Variants in HNRNPR observed in about 807,000 individuals in gnomAD.
HNRNPR encodes the protein heterogeneous nuclear ribonucleoprotein R.
In HNRNPR, 4 loss-of-function variants were observed where a neutral mutation model predicts 70.3. The observed-to-expected ratio is 0.06, with a 90% confidence interval of 0.03 to 0.13. The LOEUF (loss-of-function observed/expected upper bound fraction) is 0.13. Ranked by LOEUF, HNRNPR falls within the 10% of genes least tolerant of loss-of-function variation. The probability of loss-of-function intolerance (pLI) is 1.00; values close to 1 mark genes in which losing one functional copy is unlikely to be tolerated. For synonymous variants in HNRNPR, 241 were observed against 267.6 expected, an observed-to-expected ratio of 0.90 and a Z score of 0.97; for missense variants, 423 against 788.5, an observed-to-expected ratio of 0.54 and a Z score of 5.55.
In HNRNPR at chr1:23,310,715, C is replaced by G. The variant is rs771906156; in HGVS notation, c.1641G>C (p.Gly547=). Residue 547 remains glycine (G), a synonymous_variant, in exon 11 of 11, where the codon GGG becomes GGC. Coordinates refer to ENST00000302271, the MANE Select transcript of HNRNPR (RefSeq NM_005826.5). This position sits in a 1 kb window ranked among gnomAD's most constrained non-coding sequence, Gnocchi z 6.0. The part of the protein sequence containing the change: ...GPPRGSRGGR[G]GPAQQQRGRG... Reference sequence around the variant, plus strand: ...GGCCTCTCTGCTGTTGAGCAGGACCCCCTCTGCCACCCCTAGAGCCTCTTG... The same window carrying G: ...GGCCTCTCTGCTGTTGAGCAGGACCGCCTCTGCCACCCCTAGAGCCTCTTG... The G allele has an allele frequency of 9.3e-6, 15 of 1,613,626 alleles. No homozygotes were observed. The highest frequency in any genetic ancestry group is 1.3e-5 in the African/African-American group (1 of 74,874).
chr1:23,322,854 A>C (rs910256066), intron 6 of HNRNPR, among the ~76,000 whole-genome samples: 4 of 152,220 alleles, frequency 2.6e-5, no homozygotes, highest in Non-Finnish European at 4.4e-5. Context: ...TAAGATACTG[A>C]GATAGCTGTG....
At chr1:23,333,922 CT>C (rs1053642982) in intron 4 of HNRNPR, among the ~76,000 whole-genome samples, 2 of 151,240 alleles carry the variant, frequency 1.3e-5, no homozygotes, top group Non-Finnish European at 3.0e-5. Flanking sequence ...GTCTTTTCTT[CT>C]TTTTTTTTGA....
In HNRNPR at chr1:23,310,748, C is replaced by G; in HGVS notation, c.1608G>C (p.Leu536Phe). 6.2e-7 allele frequency: 1 copy of G among 1,613,820 alleles called. No individual in the cohort carries two copies. The highest frequency in any genetic ancestry group is 1.1e-5 in the South Asian group (1 of 91,054). ...RAGYSQRGAPLGPPRGSRGGR... is the reference protein window; with the variant it reads ...RAGYSQRGAPFGPPRGSRGGR... ...CACCCCTAGAGCCTCTTGGTGGTCC[C>G]AAAGGTGCCCCCCTCTGTGAATAGC... The change falls in exon 11 of 11, where the codon TTG (leucine) becomes TTC (phenylalanine). Residue 536 changes from leucine to phenylalanine, a missense_variant. This residue lies in a region of HNRNPR where 169 missense variants were observed against 195.6 expected (regional missense o/e 0.86). Coordinates refer to ENST00000302271, the MANE Select transcript of HNRNPR (RefSeq NM_005826.5). The surrounding 1 kb of genome is among the most constrained non-coding windows in gnomAD (Gnocchi z 6.0).
intron 5 of HNRNPR, among the ~76,000 whole-genome samples, chr1:23,329,091 A>T (rs1021454201): frequency 8.3e-4 from 127 of 152,322 alleles, no homozygotes; most frequent in Non-Finnish European, 2.2e-4. Flanking sequence ...ACTGTACTCC[A>T]GCCTGGGCAA....
intron 8 of HNRNPR, among the ~76,000 whole-genome samples, chr1:23,314,419 G>A (rs1198761709): frequency 6.6e-6 from 1 of 151,988 alleles, no homozygotes; most frequent in Admixed American, 6.6e-5. Flanking sequence ...TATAAGCAAA[G>A]ACAATAAATA....
chr1:23,331,119 G>C (rs1435700320), intron 5 of HNRNPR, among the ~76,000 whole-genome samples: 1 of 152,104 alleles, frequency 6.6e-6, no homozygotes, highest in Non-Finnish European at 1.5e-5. Flanking sequence ...ATCACATATA[G>C]GGATTTTGCT....
At chr1:23,333,782 C>A (rs1309491025) in intron 4 of HNRNPR, 151 bp from the exon 5 acceptor site, 6 of 555,908 alleles carry the variant, frequency 1.1e-5, no homozygotes, top group Non-Finnish European at 1.9e-5. Flanking sequence ...GCACTGGTTC[C>A]CCATACATGT....
chr1:23,337,919 T>G (rs1646563313), intron 3 of HNRNPR, 58 bp from the exon 4 acceptor site: 2 of 988,302 alleles, frequency 2.0e-6, no homozygotes, highest in Non-Finnish European at 3.1e-6. Flanking sequence ...AAGGGTCAGA[T>G]ACATAATTAA....
rs977614681 is a variant in HNRNPR at position 23,306,560 on chromosome 1, T to A, written c.*3894A>T. On this transcript the variant is annotated 3_prime_UTR_variant, in exon 11 of 11. Coordinates refer to ENST00000302271, the MANE Select transcript of HNRNPR (RefSeq NM_005826.5). The stretch of plus-strand genomic sequence containing the variant: ...AAACAGGAAAAGTACACTTGCAGAT[T>A]TCTGGATAACATCTGAAAATGATTA... 5 of 151,648 alleles carry A rather than the reference T, an allele frequency of 3.3e-5. No homozygotes were observed. The highest frequency in any genetic ancestry group is 9.7e-5 in the African/African-American group (4 of 41,140). 9.4% of individuals were successfully genotyped at this position (151,648 alleles called of 1,614,324 possible). A position where few individuals can be genotyped will look rare whatever the true frequency, so the allele number is the denominator to read the frequency against.
At chr1:23,327,394 G>C (rs957518571) in intron 5 of HNRNPR, among the ~76,000 whole-genome samples, 1 of 152,172 alleles carries the variant, frequency 6.6e-6, no homozygotes, top group Non-Finnish European at 1.5e-5. Flanking sequence ...ACAGACAAAA[G>C]TAAACAATAT....
chr1:23,323,985 T>C (rs1461757225), intron 5 of HNRNPR, among the ~76,000 whole-genome samples: 2 of 152,034 alleles, frequency 1.3e-5, no homozygotes, highest in Non-Finnish European at 2.9e-5. Context: ...CTCTAAATTT[T>C]AAATTTTTAT....
Position 23,337,950 on chromosome 1 carries a change from G to C in HNRNPR, c.277-89C>G, listed in dbSNP as rs565663094. The stretch of plus-strand genomic sequence containing the variant: ...ATTAAATTTAAATTTCAGAAAACCA[G>C]GATTTTAACAAAAGATTTACTGATT... On this transcript the variant is annotated intron_variant, in intron 3 of 10. Transcript: ENST00000302271. 6.9e-5 allele frequency: 56 copies of C among 806,706 alleles called. No individual in the cohort carries two copies. In the Admixed American group the frequency reaches 9.2e-4, roughly 13 times the overall value. 50.0% of individuals were successfully genotyped at this position (806,706 alleles called of 1,614,324 possible).
chr1:23,339,623 A>C (rs535162957), intron 2 of HNRNPR, among the ~76,000 whole-genome samples: 50 of 152,322 alleles, frequency 3.3e-4, no homozygotes, highest in Middle Eastern at 3.4e-3. Flanking sequence ...AAAGCTAAAA[A>C]GAACTTTATT....
chr1:23,304,731 A>C lies in HNRNPR; in HGVS notation c.*5723T>G, dbSNP rs1645178694. 6.6e-6 allele frequency: 1 copy of C among 152,250 alleles called. No individual in the cohort carries two copies. The allele number at this position is 152,250 out of a possible 1,614,324, so 9.4% of individuals were successfully genotyped here. A position where few individuals can be genotyped will look rare whatever the true frequency, so the allele number is the denominator to read the frequency against. ...TTATTAAAAATATTTAACATCGTAC[A>C]AATATTCCAATACAGTTATGGTACA... On this transcript the variant is annotated 3_prime_UTR_variant, in exon 11 of 11. Transcript: ENST00000302271.
At chr1:23,332,590 C>T (rs1372569359) in intron 5 of HNRNPR, among the ~76,000 whole-genome samples, 1 of 151,018 alleles carries the variant, frequency 6.6e-6, no homozygotes, top group Non-Finnish European at 1.5e-5. Flanking sequence ...ATCCCAGTTA[C>T]TTGGGAGGCT....
chr1:23,320,953 G>T (rs902267976), intron 7 of HNRNPR, among the ~76,000 whole-genome samples: 2 of 152,066 alleles, frequency 1.3e-5, no homozygotes, highest in Admixed American at 1.3e-4. Context: ...GATCACCAGA[G>T]GTCGGGAGTT....
In HNRNPR at chr1:23,335,568, T is replaced by C. The variant is rs117099522; in HGVS notation, c.385-1937A>G. 5.1e-3 allele frequency among the ~76,000 whole-genome samples: 769 copies of C among 152,258 alleles called. 19 individuals carry two copies. Among genetic ancestry groups the C allele is most frequent in the East Asian group, 0.033 (170 of 5,166 alleles). On this transcript the variant is annotated intron_variant, in intron 4 of 10. Transcript: ENST00000302271. Reference sequence around the variant, plus strand: ...CTGTCAGATCAGCAGCCGCATTAGGTTCTCACAGGAGGGTGAATCCTATTG... The same window carrying C: ...CTGTCAGATCAGCAGCCGCATTAGGCTCTCACAGGAGGGTGAATCCTATTG...
At chr1:23,341,505 T>C (rs1315129208) in intron 1 of HNRNPR, among the ~76,000 whole-genome samples, 2 of 152,160 alleles carry the variant, frequency 1.3e-5, no homozygotes, top group East Asian at 1.9e-4. Context: ...ATAAGTGCCC[T>C]GTTTTCTCTA....
chr1:23,338,006 A>G (rs912023001), intron 3 of HNRNPR, 145 bp from the exon 4 acceptor site: 12 of 627,430 alleles, frequency 1.9e-5, no homozygotes, highest in African/African-American at 1.5e-4. Flanking sequence ...AGTGGTTACT[A>G]TGTGCCAGAG....
Sources: gnomAD v4.1 joint callset for allele counts (sites outside exome capture counted in the v4.1 genomes callset) on GRCh38, gnomAD v4.1.1 for gene constraint, gnomAD v4.1.1 regional missense constraint, Gnocchi (gnomAD v3.1) non-coding constraint, MANE v1.5 for transcripts, NCBI Gene and HGNC (gene_info 2026-07-23, HGNC 2026-07-21) for gene names.